Variants in GTF3C1 observed in about 807,000 individuals in gnomAD.
The protein encoded by GTF3C1 is general transcription factor IIIC subunit 1, also known as general transcription factor 3C polypeptide 1.
In GTF3C1, 57 loss-of-function variants were observed where a neutral mutation model predicts 226.7. The observed-to-expected ratio is 0.25, with a 90% CI of 0.20 to 0.31. The LOEUF is 0.31. Among genes scored for constraint, GTF3C1 ranks in the 10% least tolerant of loss-of-function variants. GTF3C1 has a pLI of 1.00. For synonymous variants in GTF3C1, 1,090 were observed against 1,084.8 expected (o/e 1.00, Z -0.09); for missense variants, 2,217 against 2,776.1 (o/e 0.80, Z 4.53).
chr16:27,480,844 C>G (rs2088033118), intron 27 of GTF3C1: 1 of 494,782 alleles, frequency 2.0e-6, no homozygotes, highest in South Asian at 3.1e-5. Flanking sequence ...GTACACCAAC[C>G]AAACAAGGAA....
At chr16:27,502,170 C>T (rs1030076093) in intron 11 of GTF3C1, among the ~76,000 whole-genome samples, 1 of 152,068 alleles carries the variant, frequency 6.6e-6, no homozygotes, top group African/African-American at 2.4e-5. Flanking sequence ...CCTCTCATGG[C>T]TCAGAGGCGA....
Position 27,506,985 on chromosome 16 carries a change from C to T in GTF3C1, c.1414G>A (p.Asp472Asn), listed in dbSNP as rs147226775. The change falls in exon 9 of 37, where the codon GAC becomes AAC. Residue 472 changes from aspartate (D) to asparagine (N), a missense_variant. Around this residue, in one of 12 missense-constraint regions of GTF3C1, gnomAD observed 173 missense variants for 207.2 expected, o/e 0.83. Transcript: ENST00000356183. Reference protein sequence around the residue: ...QEESLLPEGEDTFLSESDSEE... With the variant: ...QEESLLPEGENTFLSESDSEE... ...CTGTCCGACTCAGAGAGGAAGGTGT[C>T]CTCGCCTTCAGGCAGAAGCGACTCC... The T allele has an allele frequency of 3.1e-6, 5 of 1,613,640 alleles. No individual in the cohort carries two copies. Among genetic ancestry groups the T allele is most frequent in the Non-Finnish European group, 4.2e-6 (5 of 1,179,822 alleles).
intron 9 of GTF3C1, 69 bp downstream of exon 9, chr16:27,506,778 A>G: frequency 8.6e-7 from 1 of 1,156,790 alleles, no homozygotes; most frequent in East Asian, 2.5e-5. Flanking sequence ...GCTGAACTGA[A>G]GGGGTGTTTC....
chr16:27,497,539 G>T, intron 14 of GTF3C1, 98 bp downstream of exon 14: 1 of 916,756 alleles, frequency 1.1e-6, no homozygotes, highest in South Asian at 1.6e-5. Flanking sequence ...TTCTGACTGC[G>T]GCTCGGAGCT....
rs1316891143 is a variant in GTF3C1, at chr16:27,471,814, C to G, written c.4460G>C (p.Gly1487Ala). Residue 1487 changes from glycine (G) to alanine (A), a missense_variant, in exon 30 of 37, where the codon GGC becomes GCC. Physicochemically the swap from Gly to Ala is moderately conservative, Grantham distance 60. Around this residue, in one of 12 missense-constraint regions of GTF3C1, gnomAD observed 546 missense variants for 663.0 expected, o/e 0.82. Transcript: ENST00000356183. This position sits in a 1 kb window ranked among gnomAD's most constrained non-coding sequence, Gnocchi z 5.0. ...GGGGAGGGCCCGGTTCTTCTTGGGG[C>G]CCAGCGTGTGGTTGACCCGGCGCCG... is the stretch of plus-strand genomic sequence containing the variant. ...VNRRRVNHTL[G>A]PKKNRALPFV... is the part of the protein sequence containing the mutation. 6.2e-7 allele frequency: 1 copy of G among 1,614,016 alleles called. No homozygotes were observed. Among genetic ancestry groups the G allele is most frequent in the South Asian group, 1.1e-5 (1 of 91,070 alleles).
At chr16:27,547,696 C>G (rs1198709638) in intron 1 of GTF3C1, among the ~76,000 whole-genome samples, 1 of 152,066 alleles carries the variant, frequency 6.6e-6, no homozygotes, top group Non-Finnish European at 1.5e-5. Flanking sequence ...TGGATTCTCC[C>G]TCTGTCACCC....
At chr16:27,533,423 C>CTGT (rs777980973) in intron 4 of GTF3C1, 36 bp from the exon 5 acceptor site, 33 of 1,145,816 alleles carry the variant, frequency 2.9e-5, no homozygotes, top group Non-Finnish European at 4.4e-5. Context: ...TTTTTCAAAC[C>CTGT]TGTTGCTGAA....
At chr16:27,483,322 T>C (rs2088085444) in intron 25 of GTF3C1, 197 bp from the exon 26 acceptor site, 2 of 676,034 alleles carry the variant, frequency 3.0e-6, no homozygotes, top group African/African-American at 1.8e-5. Flanking sequence ...GTCAGGTCTG[T>C]TCACACTTTA....
At chr16:27,474,623 A>C (rs769725973) in intron 29 of GTF3C1, among the ~76,000 whole-genome samples, 5 of 152,372 alleles carry the variant, frequency 3.3e-5, no homozygotes, top group East Asian at 1.9e-4. Flanking sequence ...GCGTGAGACC[A>C]ATAAAATACG....
At position 27,507,184 on chromosome 16, in the gene GTF3C1, A is replaced by G; in HGVS notation, c.1243-28T>C. 6.6e-7 allele frequency: 1 copy of G among 1,522,296 alleles called. No homozygotes were observed. Among genetic ancestry groups the G allele is most frequent in the Non-Finnish European group, 9.0e-7 (1 of 1,114,366 alleles). 94.3% of individuals were successfully genotyped at this position (1,522,296 alleles called of 1,614,324 possible). On this transcript the variant is annotated intron_variant, in intron 8 of 36. Transcript: ENST00000356183. The surrounding 1 kb of genome is among the most constrained non-coding windows in gnomAD (Gnocchi z 4.9). ...AGAGGGAATAAGATGTGTTTATCCC[A>G]CTGCAAAGAGGGCGTCATACCCACA...
rs201287666 is a variant in GTF3C1, at chr16:27,461,503, C to A, written c.6177G>T (p.Ser2059=). 1.2e-6 allele frequency: 2 copies of A among 1,613,984 alleles called. No homozygotes were observed. The highest frequency in any genetic ancestry group is 1.7e-6 in the Non-Finnish European group (2 of 1,179,964). ...KRWLRKPRPV[S]LFSTPVVEEV... ...CTTCCACCACGGGTGTAGAGAAGAG[C>A]GAGACAGGCCTTGGCTTTCTCAGCC... Residue 2059 remains serine, a synonymous_variant, in exon 37 of 37, where the codon TCG becomes TCT. Transcript: ENST00000356183. The surrounding 1 kb of genome is among the most constrained non-coding windows in gnomAD (Gnocchi z 5.3).
chr16:27,537,119 T>C (rs1278718833), intron 4 of GTF3C1, among the ~76,000 whole-genome samples: 1 of 152,208 alleles, frequency 6.6e-6, no homozygotes, highest in Non-Finnish European at 1.5e-5. Flanking sequence ...CTTGTCCATA[T>C]AGGTTATTAT....
At chr16:27,484,183 G>C in intron 25 of GTF3C1, 28 bp downstream of exon 25, 1 of 1,543,036 alleles carries the variant, frequency 6.5e-7, no homozygotes, top group Non-Finnish European at 9.0e-7. Context: ...ACCGTGTCCC[G>C]GAGTGACGGG....
intron 29 of GTF3C1, among the ~76,000 whole-genome samples, chr16:27,472,580 G>A (rs1266164844): frequency 6.6e-6 from 1 of 152,184 alleles, no homozygotes; most frequent in Non-Finnish European, 1.5e-5. Context: ...TGATAAGTGG[G>A]ACCCTGCCCG....
chr16:27,525,685 G>C (rs1239823212), intron 6 of GTF3C1, among the ~76,000 whole-genome samples: 1 of 152,204 alleles, frequency 6.6e-6, no homozygotes, highest in Non-Finnish European at 1.5e-5. Flanking sequence ...CCCCGCCCTG[G>C]GGGTGCTGTG....
Position 27,549,649 on chromosome 16 carries a change from CAG to C in GTF3C1, c.221+19_221+20del. On this transcript the variant is annotated intron_variant, in intron 1 of 36. Transcript: ENST00000356183. ...GCCCTGCGCCCGCCCGCCCGCCCGC[CAG>C]GCCAGGCCGCCCGCTGACCGGTCCT... 1.3e-5 allele frequency: 17 copies of C among 1,339,344 alleles called. No individual in the cohort carries two copies. The highest frequency in any genetic ancestry group is 1.7e-5 in the Non-Finnish European group (16 of 969,210). 83.0% of individuals were successfully genotyped at this position (1,339,344 alleles called of 1,614,324 possible).
chr16:27,501,461 G>A (rs1176780844), intron 11 of GTF3C1, 117 bp from the exon 12 acceptor site: 9 of 909,270 alleles, frequency 9.9e-6, no homozygotes, highest in African/African-American at 6.6e-5. Flanking sequence ...AGGATCAAAC[G>A]GGGTTTCCCC....
intron 6 of GTF3C1, among the ~76,000 whole-genome samples, chr16:27,514,112 C>T (rs142933324): frequency 6.6e-6 from 1 of 152,332 alleles, no homozygotes; most frequent in African/African-American, 2.4e-5. Flanking sequence ...AAGAGGCCAG[C>T]AGAAGTGGTC....
At position 27,492,711 on chromosome 16, in the gene GTF3C1, C is replaced by G; in HGVS notation, c.2879G>C (p.Arg960Pro). ...PIRQQLLYKRRYIFSVVENLQ... is the reference protein window; with the variant it reads ...PIRQQLLYKRPYIFSVVENLQ... Reference sequence around the variant, plus strand: ...GTTCTCCACCACCGAAAAAATGTAACGCCTAGAAAACAGAGGGGGCGGGAG... The same window carrying G: ...GTTCTCCACCACCGAAAAAATGTAAGGCCTAGAAAACAGAGGGGGCGGGAG... Residue 960 changes from arginine to proline, a missense_variant and splice_region_variant, in exon 18 of 37, where the codon CGT becomes CCT. Physicochemically the swap from Arg to Pro is moderately radical, Grantham distance 103. Transcript: ENST00000356183. The surrounding 1 kb of genome is among the most constrained non-coding windows in gnomAD (Gnocchi z 5.0). 1 of 1,563,030 alleles carries G rather than the reference C, an allele frequency of 6.4e-7. No individual in the cohort carries two copies. Among genetic ancestry groups the G allele is most frequent in the East Asian group, 2.2e-5 (1 of 44,640 alleles).
Sources: allele counts gnomAD v4.1 joint callset (sites outside exome capture counted in the v4.1 genomes callset), GRCh38; gene constraint gnomAD v4.1.1; regional missense constraint gnomAD v4.1.1; non-coding constraint Gnocchi (gnomAD v3.1); transcripts MANE v1.5; gene names NCBI Gene and HGNC (gene_info 2026-07-23, HGNC 2026-07-21).